The following FCER2 variants were observed in gnomAD, a reference collection of about 807,000 sequenced individuals.
FCER2 encodes the protein low affinity immunoglobulin epsilon Fc receptor.
A neutral mutation model predicts 49.7 loss-of-function variants in FCER2; 38 were observed. The observed-to-expected ratio is 0.76, with a 90% CI of 0.59 to 1.00. The LOEUF is 1.00. Among genes scored for constraint, FCER2 ranks in the 50% least tolerant of loss-of-function variants. The pLI, the probability that FCER2 is intolerant of heterozygous loss-of-function variation, is 0.00. For synonymous variants in FCER2, 163 were observed against 164.6 expected, an observed-to-expected ratio of 0.99 and a Z score of 0.07; for missense variants, 425 against 419.5, an observed-to-expected ratio of 1.01 and a Z score of -0.11.
intron 8 of FCER2, among the ~76,000 whole-genome samples, chr19:7,692,109 G>A (rs532858604): frequency 4.0e-5 from 3 of 75,502 alleles, no homozygotes; most frequent in African/African-American, 1.5e-4. Context: ...CAACACCATT[G>A]TCATGAACAC....
chr19:7,699,259 C>T, intron 2 of FCER2: 1 of 551,258 alleles, frequency 1.8e-6, no homozygotes, highest in Admixed American at 2.8e-5. Context: ...ACATCGGAGC[C>T]ACTCCCCAGC....
chr19:7,696,542 C>T (rs1456566980), intron 8 of FCER2, among the ~76,000 whole-genome samples: 1 of 152,070 alleles, frequency 6.6e-6, no homozygotes, highest in East Asian at 1.9e-4. Context: ...GGCCAAGACC[C>T]CTTCTCTTAA....
intron 8 of FCER2, among the ~76,000 whole-genome samples, chr19:7,695,299 G>A (rs1026094715): frequency 3.3e-5 from 5 of 152,106 alleles, no homozygotes; most frequent in Admixed American, 3.3e-4. Flanking sequence ...TCCCTGCCCT[G>A]GTCAGACAAT....
Position 7,689,380 on chromosome 19 carries a change from A to G in FCER2, c.779T>C (p.Val260Ala), listed in dbSNP as rs1442413806. Residue 260 changes from valine (V) to alanine (A), a missense_variant, in exon 11 of 11, where the codon GTG (valine) becomes GCG (alanine). Val to Ala is a moderately conservative substitution (Grantham distance 64). Transcript: ENST00000597921. ...CCAGCGACCGGAGCCCCGCATCATC[A>G]CGCAGTCCTCGCCCTGGCTCCGGCT... Reference protein sequence around the residue: ...PTSRSQGEDCVMMRGSGRWND... With the variant: ...PTSRSQGEDCAMMRGSGRWND... 18 of 1,608,742 alleles carry G rather than the reference A, an allele frequency of 1.1e-5. No homozygotes were observed. The highest frequency in any genetic ancestry group is 8.5e-7 in the Non-Finnish European group (1 of 1,178,190).
In FCER2 at chr19:7,696,527, C is replaced by T. The variant is rs145828521; in HGVS notation, c.469+298G>A. Among the ~76,000 whole-genome samples the T allele has an allele frequency of 4.9e-3, 740 of 152,214 alleles. 5 individuals are homozygous for T. Among genetic ancestry groups the T allele is most frequent in the African/African-American group, 0.016 (680 of 41,532 alleles). On this transcript the variant is annotated intron_variant, in intron 8 of 10. Transcript: ENST00000597921. ...CTGGGATTACAGGTGTGAGCCACCG[C>T]GCCTGGCCAAGACCCCTTCTCTTAA...
intron 6 of FCER2, 35 bp downstream of exon 6, chr19:7,697,201 A>C: frequency 6.2e-7 from 1 of 1,612,222 alleles, no homozygotes; most frequent in Non-Finnish European, 8.5e-7. Flanking sequence ...CTTCCCACCC[A>C]ATCTGGCTTC....
At chr19:7,700,288 GAC>G (rs1201348010) in intron 1 of FCER2, among the ~76,000 whole-genome samples, 5 of 152,236 alleles carry the variant, frequency 3.3e-5, no homozygotes, top group African/African-American at 1.2e-4. Context: ...ATGGGCTGAT[GAC>G]AGCACCCAAC....
intron 1 of FCER2, among the ~76,000 whole-genome samples, chr19:7,701,230 C>A (rs891182120): frequency 3.9e-5 from 6 of 152,134 alleles, no homozygotes; most frequent in Non-Finnish European, 5.9e-5. Flanking sequence ...TCCCTTCTCT[C>A]GGAGCCTCAG....
intron 5 of FCER2, 101 bp downstream of exon 5, chr19:7,697,426 T>C: frequency 9.6e-6 from 14 of 1,465,902 alleles, no homozygotes; most frequent in Non-Finnish European, 1.3e-5. Flanking sequence ...TTCCCGGGTG[T>C]CGGGGGTGGG....
Position 7,698,808 on chromosome 19 carries a change from C to A in FCER2, c.69G>T (p.Gln23His), listed in dbSNP as rs1467667136. 6.2e-7 allele frequency: 1 copy of A among 1,612,322 alleles called. No homozygotes were observed. The highest frequency in any genetic ancestry group is 8.5e-7 in the Non-Finnish European group (1 of 1,179,400). Residue 23 changes from glutamine (Q) to histidine (H), a missense_variant, in exon 3 of 11, where the codon CAG becomes CAT. Gln to His is a conservative substitution (Grantham distance 24, BLOSUM62 0). Transcript: ENST00000597921. ...PRRRCCRRGT[Q>H]IVLLGLVTAA... ...CGGTCACCAGCCCCAGCAGCACGATCTGAGTCCCACGCCTGCAACACCGCC... is the reference window on the plus strand; with the variant it reads ...CGGTCACCAGCCCCAGCAGCACGATATGAGTCCCACGCCTGCAACACCGCC...
Position 7,701,152 on chromosome 19 carries a change from T to A in FCER2, c.-86+863A>T, listed in dbSNP as rs191720227. ...AGCATCTACTATGTGCTGAGGAGCA[T>A]GGGACTTGGGGTCCTTCAGGCCTGG... is the stretch of plus-strand genomic sequence containing the variant. On this transcript the variant is annotated intron_variant, in intron 1 of 10. Transcript: ENST00000597921. Among the ~76,000 whole-genome samples, 122 of 152,316 alleles carry A rather than the reference T, an allele frequency of 8.0e-4. 1 individual carries two copies. Among genetic ancestry groups the A allele is most frequent in the African/African-American group, 2.9e-3 (119 of 41,572 alleles).
chr19:7,690,514 T>C lies in FCER2; in HGVS notation c.513A>G (p.Gln171=), dbSNP rs1311577403. The part of the protein sequence containing the change: ...NTCPEKWINF[Q]RKCYYFGKGT... Reference sequence around the variant, plus strand: ...CCTTGCCGAAGTAGTAGCACTTCCGTTGGAAATTGATCCACTTTTCAGGGC... The same window carrying C: ...CCTTGCCGAAGTAGTAGCACTTCCGCTGGAAATTGATCCACTTTTCAGGGC... The change falls in exon 9 of 11, where the codon CAA becomes CAG. Residue 171 remains glutamine, a synonymous_variant. Transcript: ENST00000597921. 4.3e-6 allele frequency: 7 copies of C among 1,613,956 alleles called. No homozygotes were observed. Among genetic ancestry groups the C allele is most frequent in the African/African-American group, 4.0e-5 (3 of 74,914 alleles).
At chr19:7,693,404 G>T (rs187443045) in intron 8 of FCER2, among the ~76,000 whole-genome samples, 3 of 150,032 alleles carry the variant, frequency 2.0e-5, no homozygotes, top group Non-Finnish European at 4.4e-5. Flanking sequence ...TGTTGCTATC[G>T]CCTCCCAGGT....
At chr19:7,699,978 C>G in intron 1 of FCER2, 133 bp from the exon 2 acceptor site, 1 of 606,696 alleles carries the variant, frequency 1.6e-6, no homozygotes, top group South Asian at 1.9e-5. Context: ...GACTCACTAG[C>G]GTGGTTAGCA....
intron 8 of FCER2, among the ~76,000 whole-genome samples, chr19:7,692,789 A>T (rs2032917896): frequency 6.6e-6 from 1 of 152,054 alleles, no homozygotes; most frequent in South Asian, 2.1e-4. Context: ...CCATAAATAC[A>T]TCCATGGCCA....
At chr19:7,694,486 A>C (rs1015115555) in intron 8 of FCER2, among the ~76,000 whole-genome samples, 8 of 152,322 alleles carry the variant, frequency 5.3e-5, no homozygotes, top group African/African-American at 1.7e-4. Flanking sequence ...AGTCACCCAG[A>C]GACAACCTCA....
intron 8 of FCER2, among the ~76,000 whole-genome samples, chr19:7,692,068 G>A (rs62110729): frequency 0.98 from 101,856 of 103,640 alleles, 50,037 homozygotes; most frequent in Non-Finnish European, 0.99. Context: ...ATCACCACGA[G>A]CACATTCATG....
chr19:7,692,674 G>A (rs1421759542), intron 8 of FCER2, among the ~76,000 whole-genome samples: 18 of 148,926 alleles, frequency 1.2e-4, no homozygotes, highest in African/African-American at 4.2e-4. Context: ...CTCAGCTGAC[G>A]CCAATGTCAC....
chr19:7,694,198 G>A (rs1178361104), intron 8 of FCER2, among the ~76,000 whole-genome samples: 1 of 152,148 alleles, frequency 6.6e-6, no homozygotes, highest in African/African-American at 2.4e-5. Context: ...TGGAGGTGCA[G>A]CGTTAAAACA....
Sources: gnomAD v4.1 joint callset for allele counts (sites outside exome capture counted in the v4.1 genomes callset) on GRCh38, gnomAD v4.1.1 for gene constraint, MANE v1.5 for transcripts, NCBI Gene and HGNC (gene_info 2026-07-23, HGNC 2026-07-21) for gene names.